The following ANKFN1 variants were observed in gnomAD, a reference collection of about 807,000 sequenced individuals.
ANKFN1 encodes the protein ankyrin repeat and fibronectin type III domain containing 1.
In ANKFN1, 74 loss-of-function variants were observed where a neutral mutation model predicts 108.7. The ratio of observed to expected loss-of-function variants is 0.68; its 90% CI spans 0.56 to 0.83. ANKFN1 has a LOEUF of 0.83. ANKFN1 is among the 40% of genes least tolerant of loss of function. The pLI is 0.00. For synonymous variants in ANKFN1, 547 were observed against 516.2 expected (o/e 1.06, Z -0.81); for missense variants, 1,505 against 1,382.3 (o/e 1.09, Z -1.41).
intron 8 of ANKFN1, among the ~76,000 whole-genome samples, chr17:56,435,939 C>A (rs770831799): frequency 1.3e-5 from 2 of 152,062 alleles, no homozygotes; most frequent in Non-Finnish European, 2.9e-5. Flanking sequence ...ATACTATGTT[C>A]TCTGCTTGGG....
chr17:56,067,624 G>A (rs117199266), intron 4 of ANKFN1, among the ~76,000 whole-genome samples: 2,102 of 152,274 alleles, frequency 0.014, 14 homozygotes, highest in Non-Finnish European at 0.02. Flanking sequence ...ATGAAACTGT[G>A]ACATTTCTCA....
chr17:56,187,132 A>G (rs565089807), intron 1 of ANKFN1, among the ~76,000 whole-genome samples: 6 of 152,234 alleles, frequency 3.9e-5, no homozygotes, highest in Non-Finnish European at 5.9e-5. Context: ...AGAAACTACC[A>G]TCAGAGTGAA....
At chr17:56,208,723 T>C (rs1030582146) in intron 1 of ANKFN1, among the ~76,000 whole-genome samples, 8 of 152,166 alleles carry the variant, frequency 5.3e-5, no homozygotes, top group African/African-American at 1.9e-4. Context: ...ACATCCCTAT[T>C]CAGTGTGGCT....
At chr17:56,295,607 G>A (rs2044486897) in intron 3 of ANKFN1, among the ~76,000 whole-genome samples, 2 of 151,402 alleles carry the variant, frequency 1.3e-5, no homozygotes, top group East Asian at 1.9e-4. Flanking sequence ...AAAAAGCCGT[G>A]TGTGGGCGGT....
intron 3 of ANKFN1, among the ~76,000 whole-genome samples, chr17:56,301,189 C>G (rs926245056): frequency 3.3e-5 from 5 of 152,276 alleles, no homozygotes; most frequent in South Asian, 2.1e-4. Flanking sequence ...TGTACCACCT[C>G]TCAGCCATAA....
intron 1 of ANKFN1, among the ~76,000 whole-genome samples, chr17:56,208,247 C>T (rs555110781): frequency 7.6e-4 from 116 of 152,324 alleles, no homozygotes; most frequent in African/African-American, 2.7e-3. Flanking sequence ...TCTTAAACTC[C>T]TGACCTCAGG....
intron 8 of ANKFN1, among the ~76,000 whole-genome samples, chr17:56,403,145 G>A (rs2047814499): frequency 6.6e-6 from 1 of 152,082 alleles, no homozygotes; most frequent in South Asian, 2.1e-4. Flanking sequence ...AAAGTTCCAT[G>A]TGCTGTTGAA....
chr17:56,352,933 A>G (rs1346491837), intron 5 of ANKFN1, among the ~76,000 whole-genome samples: 1 of 152,168 alleles, frequency 6.6e-6, no homozygotes, highest in Non-Finnish European at 1.5e-5. Context: ...ATGAGATGAC[A>G]ATGTAGAGGC....
intron 8 of ANKFN1, among the ~76,000 whole-genome samples, chr17:56,438,788 A>C (rs7219528): frequency 0.03 from 4,545 of 152,226 alleles, 149 homozygotes; most frequent in East Asian, 0.089. Flanking sequence ...TGGACATAGA[A>C]TCACAGTTTT....
intron 2 of ANKFN1, among the ~76,000 whole-genome samples, chr17:56,225,231 T>G (rs1395374116): frequency 6.6e-6 from 1 of 152,142 alleles, no homozygotes; most frequent in East Asian, 1.9e-4. Flanking sequence ...CCATCTGCCT[T>G]CTTATGTCCT....
At chr17:56,062,326 TG>T (rs1384551092) in intron 4 of ANKFN1, among the ~76,000 whole-genome samples, 1 of 152,134 alleles carries the variant, frequency 6.6e-6, no homozygotes, top group African/African-American at 2.4e-5. Flanking sequence ...ATATTGACAG[TG>T]GGGTGTTAAA....
Position 56,314,651 on chromosome 17 carries a change from A to G in ANKFN1, c.54-11570A>G, listed in dbSNP as rs571171041. On this transcript the variant is annotated intron_variant, in intron 3 of 20. Coordinates refer to ENST00000682825, the MANE Select transcript of ANKFN1 (RefSeq NM_001370326.1). Reference sequence around the variant, plus strand: ...TCAGGTCAAGTGGCCAAAGACTGCAAAGATTCACAGCTAATAAGTAGGAAA... The same window carrying G: ...TCAGGTCAAGTGGCCAAAGACTGCAGAGATTCACAGCTAATAAGTAGGAAA... 2.6e-5 allele frequency among the ~76,000 whole-genome samples: 4 copies of G among 152,288 alleles called. No homozygotes were observed. In the South Asian group the frequency reaches 8.3e-4, roughly 32 times the overall value.
intron 3 of ANKFN1, among the ~76,000 whole-genome samples, chr17:56,312,061 C>T (rs9903732): frequency 0.34 from 52,207 of 151,692 alleles, 9,138 homozygotes; most frequent in East Asian, 0.53. Flanking sequence ...ATTCTATTCC[C>T]ATTGGACGTT....
At chr17:56,357,194 G>C (rs745624189) in intron 6 of ANKFN1, among the ~76,000 whole-genome samples, 1 of 152,176 alleles carries the variant, frequency 6.6e-6, no homozygotes, top group African/African-American at 2.4e-5. Context: ...AAGGCAAAGA[G>C]ATACGACCAC....
intron 1 of ANKFN1, among the ~76,000 whole-genome samples, chr17:56,177,212 T>A (rs1182449393): frequency 6.6e-6 from 1 of 152,002 alleles, no homozygotes; most frequent in African/African-American, 2.4e-5. Flanking sequence ...CCCAAGGGGG[T>A]TCCCATCTAA....
intron 7 of ANKFN1, among the ~76,000 whole-genome samples, chr17:56,373,781 G>A (rs1034179742): frequency 6.6e-6 from 1 of 152,228 alleles, no homozygotes; most frequent in Admixed American, 6.5e-5. Flanking sequence ...TGTTTAAAGA[G>A]ATTCAGCGCT....
intron 20 of ANKFN1, among the ~76,000 whole-genome samples, chr17:56,500,579 A>G (rs1408184293): frequency 6.6e-6 from 1 of 152,226 alleles, no homozygotes; most frequent in African/African-American, 2.4e-5. Flanking sequence ...TCTTATGATC[A>G]AAGAGAGCCT....
intron 8 of ANKFN1, among the ~76,000 whole-genome samples, chr17:56,427,182 T>C (rs2048595784): frequency 6.6e-6 from 1 of 152,220 alleles, no homozygotes; most frequent in Non-Finnish European, 1.5e-5. Flanking sequence ...CGGAGTTGCT[T>C]TGTTCCCAAG....
At chr17:56,277,010 A>G (rs553974829) in intron 3 of ANKFN1, among the ~76,000 whole-genome samples, 3 of 152,288 alleles carry the variant, frequency 2.0e-5, no homozygotes, top group Admixed American at 1.3e-4. Flanking sequence ...AGTGTACTCT[A>G]TGCACAATGG....
Sources: allele counts gnomAD v4.1 joint callset (sites outside exome capture counted in the v4.1 genomes callset), GRCh38; gene constraint gnomAD v4.1.1; transcripts MANE v1.5; gene names NCBI Gene and HGNC (gene_info 2026-07-23, HGNC 2026-07-21).